The following NEGR1 variants were observed in gnomAD, a reference collection of about 807,000 sequenced individuals.
NEGR1 encodes the protein neuronal growth regulator 1, also known as IgLON family member 4.
Under a neutral mutation model 40.9 loss-of-function variants are expected in NEGR1, and 10 were observed. The observed-to-expected ratio is 0.24, with a 90% CI of 0.15 to 0.42. NEGR1 has a LOEUF of 0.42. Among genes scored for constraint, NEGR1 ranks in the 10% least tolerant of loss-of-function variants. NEGR1 has a pLI of 1.00. For synonymous variants in NEGR1, 185 were observed against 166.8 expected, an observed-to-expected ratio of 1.11 and a Z score of -0.84; for missense variants, 352 against 438.9, an observed-to-expected ratio of 0.80 and a Z score of 1.77.
At chr1:72,000,599 A>G (rs1646548510) in intron 1 of NEGR1, among the ~76,000 whole-genome samples, 1 of 152,270 alleles carries the variant, frequency 6.6e-6, no homozygotes, top group East Asian at 1.9e-4. Context: ...ATATCAGAGG[A>G]AATGAATACA....
At chr1:72,258,631 T>C (rs987691974) in intron 1 of NEGR1, among the ~76,000 whole-genome samples, 1 of 152,198 alleles carries the variant, frequency 6.6e-6, no homozygotes, top group Admixed American at 6.5e-5. Flanking sequence ...TATATATGTT[T>C]GTAATGAATG....
intron 4 of NEGR1, among the ~76,000 whole-genome samples, chr1:71,659,190 T>C (rs941209771): frequency 6.6e-6 from 1 of 152,196 alleles, no homozygotes; most frequent in East Asian, 1.9e-4. Context: ...GATTTTTTAA[T>C]CTTCAGGGTT....
At chr1:71,790,537 AG>A (rs761395910) in intron 2 of NEGR1, among the ~76,000 whole-genome samples, 20 of 152,108 alleles carry the variant, frequency 1.3e-4, no homozygotes, top group Non-Finnish European at 2.6e-4. Context: ...AAAAAATGCA[AG>A]GAAGGAGAAG....
chr1:71,612,340 G>A (rs970622157), intron 4 of NEGR1, among the ~76,000 whole-genome samples: 1 of 152,126 alleles, frequency 6.6e-6, no homozygotes, highest in Admixed American at 6.5e-5. Flanking sequence ...TTCATTCTTT[G>A]TATATTCCAA....
chr1:71,548,673 G>A (rs559496536), intron 6 of NEGR1, among the ~76,000 whole-genome samples: 1 of 151,752 alleles, frequency 6.6e-6, no homozygotes, highest in African/African-American at 2.4e-5. Flanking sequence ...AGGCTGTGGT[G>A]CTCCTTTCCA....
chr1:71,582,661 C>T (rs1649176438), intron 6 of NEGR1, among the ~76,000 whole-genome samples: 1 of 152,126 alleles, frequency 6.6e-6, no homozygotes, highest in African/African-American at 2.4e-5. Flanking sequence ...ACAAAATATG[C>T]TTTGGGCAGC....
intron 6 of NEGR1, among the ~76,000 whole-genome samples, chr1:71,536,521 C>T (rs1020388525): frequency 6.6e-6 from 1 of 151,724 alleles, no homozygotes; most frequent in Non-Finnish European, 1.5e-5. Context: ...TACCATGCTT[C>T]TTGCATAGCC....
rs373272760 is a variant in NEGR1 at position 71,787,005 on chromosome 1, T to C, written c.410-10708A>G. Reference sequence around the variant, plus strand: ...GGAGGCACCACATGCGGTCGCCACATGGAGAGACTGTGATAACAGAAAGAG... The same window carrying C: ...GGAGGCACCACATGCGGTCGCCACACGGAGAGACTGTGATAACAGAAAGAG... On this transcript the variant is annotated intron_variant, in intron 2 of 6. Coordinates refer to ENST00000357731, the MANE Select transcript of NEGR1 (RefSeq NM_173808.3). Among the ~76,000 whole-genome samples, 6 of 152,148 alleles carry C rather than the reference T, an allele frequency of 3.9e-5. No individual in the cohort carries two copies. The East Asian group carries it at 1.2e-3, about 29-fold the overall frequency.
chr1:72,232,940 G>A (rs530813445), intron 1 of NEGR1, among the ~76,000 whole-genome samples: 2 of 152,128 alleles, frequency 1.3e-5, no homozygotes, highest in Non-Finnish European at 2.9e-5. Flanking sequence ...GATGTACACA[G>A]TAAAGTCTTG....
Position 71,776,220 on chromosome 1 carries a change from T to A in NEGR1, c.487A>T (p.Thr163Ser). 1 of 1,609,528 alleles carries A rather than the reference T, an allele frequency of 6.2e-7. No individual in the cohort carries two copies. Among genetic ancestry groups the A allele is most frequent in the Non-Finnish European group, 8.5e-7 (1 of 1,177,236 alleles). ...GTNVTLTCLA[T>S]GKPEPSISWR... ...GAAATGGAAGGCTCTGGTTTCCCAG[T>A]GGCCAAACAAGTAAGAGTGACGTTG... Residue 163 changes from threonine (T) to serine (S), a missense_variant, in exon 3 of 7, where the codon ACT becomes TCT. Around this residue, in one of 5 missense-constraint regions of NEGR1, gnomAD observed 50 missense variants for 53.0 expected, o/e 0.94. Transcript: ENST00000357731.
chr1:72,042,884 G>C lies in NEGR1; in HGVS notation c.177-107573C>G, dbSNP rs548201401. Reference sequence around the variant, plus strand: ...AAACTAGCTATAACCCAATATTTCTGCTCCCTGTTGCAGTTTTAAACAGAT... The same window carrying C: ...AAACTAGCTATAACCCAATATTTCTCCTCCCTGTTGCAGTTTTAAACAGAT... On this transcript the variant is annotated intron_variant, in intron 1 of 6. Transcript: ENST00000357731. Among the ~76,000 whole-genome samples, 62 of 152,100 alleles carry C rather than the reference G, an allele frequency of 4.1e-4. 3 individuals are homozygous for C. In the South Asian group the frequency reaches 6.0e-3, roughly 15 times the overall value.
Position 72,171,435 on chromosome 1 carries a change from A to G in NEGR1, c.176+110884T>C, listed in dbSNP as rs149728034. Among the ~76,000 whole-genome samples, 504 of 152,284 alleles carry G rather than the reference A, an allele frequency of 3.3e-3. 4 individuals carry two copies. Among genetic ancestry groups the G allele is most frequent in the Middle Eastern group, 0.014 (4 of 294 alleles). On this transcript the variant is annotated intron_variant, in intron 1 of 6. Transcript: ENST00000357731. The stretch of plus-strand genomic sequence containing the variant: ...CTATCAAAGAAACATGGAGAAAAGA[A>G]AAGTTCAGAAGCTGCTCTCAAGTAG...
intron 4 of NEGR1, among the ~76,000 whole-genome samples, chr1:71,655,388 T>C (rs1651844181): frequency 6.6e-6 from 1 of 152,186 alleles, no homozygotes. Flanking sequence ...AGCCTTCAGA[T>C]AGAGTAAAAA....
intron 3 of NEGR1, among the ~76,000 whole-genome samples, chr1:71,737,461 AGG>A (rs1038177558): frequency 2.6e-5 from 4 of 152,150 alleles, no homozygotes; most frequent in African/African-American, 9.7e-5. Flanking sequence ...GTAGCAACAA[AGG>A]AAAAAAGTAA....
chr1:71,418,623 A>G (rs1646372725), intron 6 of NEGR1, among the ~76,000 whole-genome samples: 2 of 151,942 alleles, frequency 1.3e-5, no homozygotes, highest in South Asian at 4.2e-4. Context: ...TCCCTCCTCT[A>G]TCTGACATAT....
At chr1:71,451,831 G>A (rs1338548449) in intron 6 of NEGR1, among the ~76,000 whole-genome samples, 1 of 152,110 alleles carries the variant, frequency 6.6e-6, no homozygotes, top group Non-Finnish European at 1.5e-5. Context: ...TAATCCTATT[G>A]TATATTCAAG....
chr1:71,836,446 A>T (rs1659032420), intron 2 of NEGR1, among the ~76,000 whole-genome samples: 1 of 141,112 alleles, frequency 7.1e-6, no homozygotes, highest in East Asian at 2.1e-4. Flanking sequence ...AAACAAAAAA[A>T]CAAAAAAAAC....
chr1:71,574,910 T>A (rs1648916239), intron 6 of NEGR1, among the ~76,000 whole-genome samples: 2 of 152,214 alleles, frequency 1.3e-5, no homozygotes, highest in South Asian at 4.1e-4. Context: ...TTTTAATAAT[T>A]CTTAGGTCCC....
intron 1 of NEGR1, among the ~76,000 whole-genome samples, chr1:72,143,916 T>TA (rs1650794693): frequency 3.9e-5 from 1 of 25,804 alleles, no homozygotes; most frequent in Non-Finnish European, 8.2e-5. Flanking sequence ...ATATATATAA[T>TA]ATATATATAT....
Sources: allele counts gnomAD v4.1 joint callset (sites outside exome capture counted in the v4.1 genomes callset), GRCh38; gene constraint gnomAD v4.1.1; regional missense constraint gnomAD v4.1.1; transcripts MANE v1.5; gene names NCBI Gene and HGNC (gene_info 2026-07-23, HGNC 2026-07-21).